VWA3B: variants seen among roughly 807,000 people sequenced by gnomAD.
VWA3B encodes von Willebrand factor A domain containing 3B.
Under a neutral mutation model 158.3 loss-of-function variants are expected in VWA3B, and 138 were observed. The ratio of observed to expected loss-of-function variants is 0.87; its 90% CI spans 0.76 to 1.00. The LOEUF (loss-of-function observed/expected upper bound fraction) is 1.00, where lower values mean the gene tolerates loss of function less well. Ranked by LOEUF, VWA3B falls within the 50% of genes least tolerant of loss-of-function variation. The pLI is 0.00. For missense variants in VWA3B, 1,555 were observed against 1,565.1 expected (o/e 0.99, Z 0.11); for synonymous variants, 596 against 587.3 (o/e 1.01, Z -0.21).
rs374530512 is a variant in VWA3B at position 98,270,781 on chromosome 2, G to A, written c.2943G>A (p.Ser981=). Reference sequence around the variant, plus strand: ...GGCCCATTTCACTGAAAGAGCTGTCGATGCTGGAAAGTGAAATCCTAGCTG... The same window carrying A: ...GGCCCATTTCACTGAAAGAGCTGTCAATGCTGGAAAGTGAAATCCTAGCTG... ...LNWPISLKEL[S]MLESEILAGK... Residue 981 remains serine, a synonymous_variant, in exon 22 of 28, where the codon TCG becomes TCA. Transcript: ENST00000477737. 13 of 1,613,996 alleles carry A rather than the reference G, an allele frequency of 8.1e-6. No individual in the cohort carries two copies. The highest frequency in any genetic ancestry group is 1.1e-5 in the South Asian group (1 of 91,084).
At chr2:98,207,977 TA>T (rs996071900) in intron 12 of VWA3B, among the ~76,000 whole-genome samples, 4 of 152,312 alleles carry the variant, frequency 2.6e-5, no homozygotes, top group African/African-American at 9.6e-5. Flanking sequence ...ATAAAGTAGA[TA>T]AAAATAGATT....
intron 26 of VWA3B, among the ~76,000 whole-genome samples, chr2:98,306,606 T>C (rs1052848000): frequency 6.6e-6 from 1 of 152,212 alleles, no homozygotes; most frequent in Non-Finnish European, 1.5e-5. Context: ...CTGGTTCCTA[T>C]GATGTCCAAA....
intron 19 of VWA3B, among the ~76,000 whole-genome samples, chr2:98,248,280 T>A (rs1490742215): frequency 6.6e-6 from 1 of 152,162 alleles, no homozygotes; most frequent in Admixed American, 6.5e-5. Context: ...TGAATTGACA[T>A]TCTGATTGTT....
rs74752166 is a variant in VWA3B, at chr2:98,100,247, G to A, written c.196+6959G>A. Among the ~76,000 whole-genome samples, 775 of 152,284 alleles carry A rather than the reference G, an allele frequency of 5.1e-3. 16 individuals are homozygous for A. The East Asian group carries it at 0.087, about 17-fold the overall frequency. The stretch of plus-strand genomic sequence containing the variant: ...ATTAGTAACCCTGTCCACAGATTCT[G>A]GGCAAGTCTTCTGGTGTGGTCCCTA... On this transcript the variant is annotated intron_variant, in intron 2 of 27. Transcript: ENST00000477737.
At chr2:98,253,662 C>T (rs1686943086) in intron 20 of VWA3B, among the ~76,000 whole-genome samples, 1 of 152,150 alleles carries the variant, frequency 6.6e-6, no homozygotes, top group Non-Finnish European at 1.5e-5. Flanking sequence ...GGGCCGGCTG[C>T]TTCTTGGCCT....
intron 16 of VWA3B, among the ~76,000 whole-genome samples, chr2:98,234,327 G>A (rs186539315): frequency 1.1e-3 from 173 of 152,330 alleles, no homozygotes; most frequent in African/African-American, 4.0e-3. Context: ...TAATACAGAT[G>A]CCTTAAGCAG....
chr2:98,171,207 A>G (rs1380910797), intron 8 of VWA3B, among the ~76,000 whole-genome samples: 4 of 152,214 alleles, frequency 2.6e-5, no homozygotes, highest in Non-Finnish European at 5.9e-5. Context: ...AATAAGAGAC[A>G]TGGAACGGGC....
intron 19 of VWA3B, among the ~76,000 whole-genome samples, chr2:98,241,045 C>T (rs933485042): frequency 2.2e-4 from 34 of 152,200 alleles, no homozygotes; most frequent in Admixed American, 4.6e-4. Flanking sequence ...GAGAGAAGTT[C>T]TAGTTAAATG....
chr2:98,300,810 C>T (rs1432348071), intron 25 of VWA3B, among the ~76,000 whole-genome samples: 2 of 152,120 alleles, frequency 1.3e-5, no homozygotes, highest in African/African-American at 4.8e-5. Context: ...CTCCGCAAGC[C>T]AGTGCACCCC....
chr2:98,114,362 C>CA (rs374467050), intron 2 of VWA3B, among the ~76,000 whole-genome samples: 43 of 152,220 alleles, frequency 2.8e-4, no homozygotes, highest in African/African-American at 9.4e-4. Flanking sequence ...ATTGGAAACA[C>CA]AAATTTTAGA....
the VWA3B span, among the ~76,000 whole-genome samples, chr2:98,327,033 G>A: frequency 6.6e-6 from 1 of 150,992 alleles, no homozygotes; most frequent in South Asian, 2.1e-4. Context: ...AGAGACTCAC[G>A]CCTGTAATCC....
chr2:98,127,532 T>TG (rs2105007288), intron 5 of VWA3B, among the ~76,000 whole-genome samples: 1 of 128,222 alleles, frequency 7.8e-6, no homozygotes, highest in East Asian at 2.5e-4. Context: ...GTCTGCTTAC[T>TG]GGGGGAGGTG....
At chr2:98,194,837 T>C (rs1356783894) in intron 12 of VWA3B, among the ~76,000 whole-genome samples, 1 of 152,204 alleles carries the variant, frequency 6.6e-6, no homozygotes, top group Non-Finnish European at 1.5e-5. Flanking sequence ...TTCATTATTG[T>C]TGCAAACGGT....
At chr2:98,103,518 A>G (rs1419606091) in intron 2 of VWA3B, among the ~76,000 whole-genome samples, 1 of 151,676 alleles carries the variant, frequency 6.6e-6, no homozygotes, top group Non-Finnish European at 1.5e-5. Context: ...TTCCCTTGTG[A>G]TTTTTTTTCT....
At chr2:98,268,182 T>G (rs1687968488) in intron 21 of VWA3B, among the ~76,000 whole-genome samples, 1 of 151,422 alleles carries the variant, frequency 6.6e-6, no homozygotes, top group Non-Finnish European at 1.5e-5. Context: ...CCTCCCTAAC[T>G]CATTTTATGA....
chr2:98,286,903 T>G (rs1420308759), intron 22 of VWA3B, among the ~76,000 whole-genome samples: 2 of 151,990 alleles, frequency 1.3e-5, no homozygotes, highest in Non-Finnish European at 2.9e-5. Context: ...TGGCTTCTAT[T>G]TATTGTGTTT....
At chr2:98,236,905 G>A in intron 19 of VWA3B, 175 bp downstream of exon 19, 2 of 886,004 alleles carry the variant, frequency 2.3e-6, no homozygotes, top group South Asian at 1.9e-5. Context: ...TTTGGGCGCG[G>A]TGGCGCATGC....
chr2:98,205,016 C>T (rs1682895844), intron 12 of VWA3B, among the ~76,000 whole-genome samples: 1 of 152,106 alleles, frequency 6.6e-6, no homozygotes, highest in African/African-American at 2.4e-5. Context: ...GAGGCTGGGG[C>T]AGGAGAATCA....
intron 7 of VWA3B, among the ~76,000 whole-genome samples, chr2:98,142,469 G>C (rs983456514): frequency 6.6e-6 from 1 of 152,100 alleles, no homozygotes; most frequent in African/African-American, 2.4e-5. Flanking sequence ...CTCTCCTAGG[G>C]GTTCAGGCTT....
Sources: gnomAD v4.1 joint callset for allele counts (sites outside exome capture counted in the v4.1 genomes callset) on GRCh38, gnomAD v4.1.1 for gene constraint, MANE v1.5 for transcripts, NCBI Gene and HGNC (gene_info 2026-07-23, HGNC 2026-07-21) for gene names.